Variants in ZDHHC2 observed in about 807,000 individuals in gnomAD.
The protein encoded by ZDHHC2 is zDHHC palmitoyltransferase 2.
A neutral mutation model predicts 55.6 loss-of-function variants in ZDHHC2; 51 were observed. The ratio of observed to expected loss-of-function variants is 0.92; its 90% confidence interval spans 0.73 to 1.16. ZDHHC2 has a LOEUF of 1.16. Among genes scored for constraint, ZDHHC2 ranks in the 50% most tolerant of loss-of-function variants. The pLI is 0.00. For missense variants in ZDHHC2, 491 were observed against 442.4 expected (o/e 1.11, Z -0.99); for synonymous variants, 199 against 152.9 (o/e 1.30, Z -2.22).
intron 1 of ZDHHC2, among the ~76,000 whole-genome samples, chr8:17,172,685 A>G (rs1249366452): frequency 5.3e-5 from 8 of 152,166 alleles, no homozygotes; most frequent in Non-Finnish European, 1.2e-4. Context: ...ACCAGGAGAG[A>G]TCCATATTCT....
chr8:17,165,087 A>G (rs903308995), intron 1 of ZDHHC2, among the ~76,000 whole-genome samples: 1 of 152,218 alleles, frequency 6.6e-6, no homozygotes, highest in Admixed American at 6.5e-5. Flanking sequence ...GTATTTTGGT[A>G]GGAAAGACAG....
chr8:17,164,522 T>G (rs1051453993), intron 1 of ZDHHC2, among the ~76,000 whole-genome samples: 1 of 152,154 alleles, frequency 6.6e-6, no homozygotes, highest in Non-Finnish European at 1.5e-5. Context: ...TTAGACCTTT[T>G]ATTCACTAGC....
At chr8:17,195,765 T>A in intron 4 of ZDHHC2, 141 bp downstream of exon 4, 1 of 1,178,922 alleles carries the variant, frequency 8.5e-7, no homozygotes, top group Non-Finnish European at 1.2e-6. Context: ...CTGTTAAATC[T>A]TTCCTGTGTG....
chr8:17,213,119 C>T (rs1294582806), intron 10 of ZDHHC2, among the ~76,000 whole-genome samples: 1 of 152,132 alleles, frequency 6.6e-6, no homozygotes. Flanking sequence ...ACCATTCTTC[C>T]TCCAGATCTC....
chr8:17,199,894 G>C (rs1348906464), intron 6 of ZDHHC2, among the ~76,000 whole-genome samples: 2 of 151,648 alleles, frequency 1.3e-5, no homozygotes, highest in Non-Finnish European at 2.9e-5. Context: ...TGAGTAGCCA[G>C]ACTACAGGCG....
At chr8:17,184,904 G>A in intron 2 of ZDHHC2, 89 bp downstream of exon 2, 6 of 1,241,698 alleles carry the variant, frequency 4.8e-6, no homozygotes, top group South Asian at 1.5e-5. Flanking sequence ...TTAATAAATT[G>A]TTGTTTGAGA....
rs1309947100 is a variant in ZDHHC2 at position 17,222,811 on chromosome 8, GT to G, written c.*2593del. The G allele has an allele frequency of 6.6e-6, 1 of 151,846 alleles. No homozygotes were observed. The highest frequency in any genetic ancestry group is 1.5e-5 in the Non-Finnish European group (1 of 67,818). 9.4% of individuals were successfully genotyped at this position (151,846 alleles called of 1,614,324 possible). A position where few individuals can be genotyped will look rare whatever the true frequency, so the allele number is the denominator to read the frequency against. On this transcript the variant is annotated 3_prime_UTR_variant, in exon 13 of 13. Transcript: ENST00000262096. ...ATTTTAAGCATAAATTTTCCTAATA[GT>G]TTATTAGAGCTACTAATGGCAAAAT...
chr8:17,196,598 G>T (rs909824653), intron 4 of ZDHHC2, among the ~76,000 whole-genome samples: 1 of 150,882 alleles, frequency 6.6e-6, no homozygotes. Flanking sequence ...AAAAAAACAG[G>T]AAAAACTCAT....
intron 1 of ZDHHC2, among the ~76,000 whole-genome samples, chr8:17,173,842 G>C (rs1804988962): frequency 6.6e-6 from 1 of 152,024 alleles, no homozygotes; most frequent in African/African-American, 2.4e-5. Context: ...CTGAACTCCA[G>C]GACTTCAGAA....
intron 6 of ZDHHC2, among the ~76,000 whole-genome samples, chr8:17,198,893 C>T (rs1806465362): frequency 1.3e-5 from 2 of 152,190 alleles, no homozygotes; most frequent in South Asian, 4.1e-4. Flanking sequence ...AGATTTTCCA[C>T]ATAGAATTCA....
At chr8:17,213,115 C>G (rs1031053162) in intron 10 of ZDHHC2, among the ~76,000 whole-genome samples, 6 of 152,138 alleles carry the variant, frequency 3.9e-5, no homozygotes, top group African/African-American at 1.4e-4. Flanking sequence ...CCTTACCATT[C>G]TTCCTCCAGA....
At chr8:17,186,212 T>G in intron 2 of ZDHHC2, 119 bp from the exon 3 acceptor site, 1 of 642,912 alleles carries the variant, frequency 1.6e-6, no homozygotes, top group Non-Finnish European at 2.6e-6. Flanking sequence ...TAAAGGAACT[T>G]TCATAATGTA....
chr8:17,156,976 C>A, intron 1 of ZDHHC2, 123 bp downstream of exon 1: 4 of 928,096 alleles, frequency 4.3e-6, no homozygotes, highest in Non-Finnish European at 5.8e-6. Flanking sequence ...CAACCTGCCG[C>A]GTCCCGCCGG....
rs1020624679 is a variant in ZDHHC2, at chr8:17,193,170, A to G, written c.253-2334A>G. ...CTGGGTCTTTTGTGATTCCATATAC[A>G]TTTTAGTATTTGTCCTCCTTGGGAA... is the stretch of plus-strand genomic sequence containing the variant. On this transcript the variant is annotated intron_variant, in intron 3 of 12. Coordinates refer to ENST00000262096, the MANE Select transcript of ZDHHC2 (RefSeq NM_016353.5). 6.6e-5 allele frequency among the ~76,000 whole-genome samples: 10 copies of G among 152,214 alleles called. No homozygotes were observed. The South Asian group carries it at 1.2e-3, about 19-fold the overall frequency.
chr8:17,171,346 C>G (rs1380273084), intron 1 of ZDHHC2, among the ~76,000 whole-genome samples: 1 of 152,102 alleles, frequency 6.6e-6, no homozygotes, highest in Non-Finnish European at 1.5e-5. Context: ...ATTGAGTAAG[C>G]TTTGAAATGA....
intron 2 of ZDHHC2, among the ~76,000 whole-genome samples, chr8:17,186,121 C>A (rs1250655645): frequency 2.6e-5 from 4 of 152,124 alleles, no homozygotes; most frequent in African/African-American, 9.7e-5. Flanking sequence ...GCATAGATCT[C>A]ATTATGCATT....
At chr8:17,158,378 G>T (rs966059433) in intron 1 of ZDHHC2, among the ~76,000 whole-genome samples, 1 of 152,144 alleles carries the variant, frequency 6.6e-6, no homozygotes, top group African/African-American at 2.4e-5. Flanking sequence ...CATCCTAGAA[G>T]GCCTTCATTA....
chr8:17,175,280 C>T (rs555883223), intron 1 of ZDHHC2, among the ~76,000 whole-genome samples: 10 of 152,008 alleles, frequency 6.6e-5, no homozygotes, highest in South Asian at 4.2e-4. Flanking sequence ...CTCTGGGAGA[C>T]GTAGGGCAAA....
At chr8:17,217,727 G>C (rs908032799) in intron 12 of ZDHHC2, among the ~76,000 whole-genome samples, 1 of 152,006 alleles carries the variant, frequency 6.6e-6, no homozygotes, top group African/African-American at 2.4e-5. Context: ...GGTCATAGTA[G>C]GGCCTTATAG....
Sources: gnomAD v4.1 joint callset for allele counts (sites outside exome capture counted in the v4.1 genomes callset) on GRCh38, gnomAD v4.1.1 for gene constraint, MANE v1.5 for transcripts, NCBI Gene and HGNC (gene_info 2026-07-23, HGNC 2026-07-21) for gene names.